SLC12A2: variants seen among roughly 807,000 people sequenced by gnomAD.
The protein encoded by SLC12A2 is solute carrier family 12 member 2.
A neutral mutation model predicts 136.3 loss-of-function variants in SLC12A2; 67 were observed. The ratio of observed to expected loss-of-function variants is 0.49; its 90% confidence interval spans 0.40 to 0.60. SLC12A2 has a LOEUF of 0.60. Ranked by LOEUF, SLC12A2 falls within the 20% of genes least tolerant of loss-of-function variation. The pLI, the probability that SLC12A2 is intolerant of heterozygous loss-of-function variation, is 0.00. For missense variants in SLC12A2, 1,322 were observed against 1,534.7 expected (o/e 0.86, Z 2.32); for synonymous variants, 619 against 562.9 (o/e 1.10, Z -1.41).
At chr5:128,168,009 G>T (rs1055713452) in intron 18 of SLC12A2, 142 bp downstream of exon 18, 49 of 512,256 alleles carry the variant, frequency 9.6e-5, no homozygotes, top group South Asian at 2.0e-4. Flanking sequence ...AAAGCATCTG[G>T]GTTTTAAATT....
intron 4 of SLC12A2, among the ~76,000 whole-genome samples, chr5:128,128,630 C>G (rs548295652): frequency 1.1e-4 from 17 of 152,028 alleles, no homozygotes; most frequent in Middle Eastern, 6.8e-3. Flanking sequence ...CTTACATGAC[C>G]TTAGCCAAAT....
In SLC12A2 at chr5:128,084,312, G is replaced by A. The variant is rs529205972; in HGVS notation, c.358G>A (p.Gly120Arg). 4.1e-5 allele frequency: 63 copies of A among 1,533,970 alleles called. No individual in the cohort carries two copies. In the Middle Eastern group the frequency reaches 5.4e-3, roughly 132 times the overall value. The change falls in exon 1 of 27, where the codon GGG becomes AGG. Residue 120 changes from glycine to arginine, a missense_variant. Coordinates refer to ENST00000262461, the MANE Select transcript of SLC12A2 (RefSeq NM_001046.3). The surrounding 1 kb of genome is among the most constrained non-coding windows in gnomAD (Gnocchi z 5.6). ...GAGAKQTPADGEASGESEPAK... is the reference protein window; with the variant it reads ...GAGAKQTPADREASGESEPAK... ...GGGGGCCAAGCAGACCCCCGCGGAC[G>A]GGGAAGCCAGCGGCGAGAGCGAGCC...
chr5:128,183,123 T>C (rs1158246050), intron 24 of SLC12A2, among the ~76,000 whole-genome samples, 182 bp downstream of exon 24: 1 of 152,082 alleles, frequency 6.6e-6, no homozygotes, highest in East Asian at 1.9e-4. Flanking sequence ...CTAAAGAGTT[T>C]TCAATATTCA....
chr5:128,148,425 C>A (rs184777651), intron 11 of SLC12A2, among the ~76,000 whole-genome samples: 1 of 151,714 alleles, frequency 6.6e-6, no homozygotes, highest in East Asian at 1.9e-4. Flanking sequence ...GCTTGTTTTT[C>A]TTAAAATAGG....
At chr5:128,171,583 A>T in intron 18 of SLC12A2, 84 bp from the exon 19 acceptor site, 1 of 800,140 alleles carries the variant, frequency 1.2e-6, no homozygotes. Flanking sequence ...TTTAGAGATC[A>T]TCTATTATTT....
rs1761380935 is a variant in SLC12A2, at chr5:128,117,174, C to T, written c.1048+2493C>T. On this transcript the variant is annotated intron_variant, in intron 4 of 26. Transcript: ENST00000262461. ...AGAAAAAATTGATTCCTTATCTGGG[C>T]AGGAAATGAGCTTAGACACCTTTTC... Among the ~76,000 whole-genome samples, 2 of 152,090 alleles carry T rather than the reference C, an allele frequency of 1.3e-5. 1 individual carries two copies. The highest frequency in any genetic ancestry group is 4.1e-4 in the South Asian group (2 of 4,828).
chr5:128,112,365 A>G (rs1348008812), intron 1 of SLC12A2, among the ~76,000 whole-genome samples: 3 of 152,204 alleles, frequency 2.0e-5, no homozygotes, highest in African/African-American at 7.2e-5. Context: ...GTCATGGACT[A>G]TAAAAAAAAC....
At chr5:128,123,439 C>A (rs1761664073) in intron 4 of SLC12A2, among the ~76,000 whole-genome samples, 1 of 152,100 alleles carries the variant, frequency 6.6e-6, no homozygotes, top group African/African-American at 2.4e-5. Context: ...TTTTCACTTT[C>A]TATTCCAACC....
At chr5:128,172,252 A>G (rs1763399736) in intron 19 of SLC12A2, among the ~76,000 whole-genome samples, 3 of 152,208 alleles carry the variant, frequency 2.0e-5, no homozygotes, top group Admixed American at 2.0e-4. Flanking sequence ...TGCAAAAAAT[A>G]GTAGAGAGGT....
chr5:128,152,096 A>G (rs553032170), intron 14 of SLC12A2, among the ~76,000 whole-genome samples: 1 of 152,302 alleles, frequency 6.6e-6, no homozygotes, highest in East Asian at 1.9e-4. Context: ...AAGAGATTAC[A>G]AGAGTAGTTT....
intron 11 of SLC12A2, 36 bp downstream of exon 11, chr5:128,147,765 A>T (rs1326812228): frequency 7.9e-7 from 1 of 1,259,730 alleles, no homozygotes; most frequent in South Asian, 1.2e-5. Context: ...TATTAAAGGG[A>T]GAGTTAAAGT....
At chr5:128,135,865 CAATTA>C (rs1762173979) in intron 7 of SLC12A2, 57 bp downstream of exon 7, 1 of 956,294 alleles carries the variant, frequency 1.0e-6, no homozygotes, top group Non-Finnish European at 1.7e-6. Context: ...ATTCTATCAT[CAATTA>C]AATTTTGTAC....
intron 15 of SLC12A2, 79 bp from the exon 16 acceptor site, chr5:128,157,974 T>G: frequency 8.4e-7 from 1 of 1,184,756 alleles, no homozygotes; most frequent in Non-Finnish European, 1.2e-6. Context: ...ACAGAAAGCT[T>G]CTTAGGGAAA....
chr5:128,171,171 C>G (rs1367507098), intron 18 of SLC12A2: 1 of 151,868 alleles, frequency 6.6e-6, no homozygotes, highest in Non-Finnish European at 1.5e-5. Context: ...AACCACTGTT[C>G]AAACCAGTTT....
intron 7 of SLC12A2, among the ~76,000 whole-genome samples, chr5:128,137,840 C>A (rs1372594361): frequency 6.6e-6 from 1 of 151,952 alleles, no homozygotes; most frequent in African/African-American, 2.4e-5. Context: ...GACTAGACAG[C>A]AGAGAAAGCT....
intron 4 of SLC12A2, among the ~76,000 whole-genome samples, chr5:128,130,186 C>A (rs1761963103): frequency 6.6e-6 from 1 of 151,952 alleles, no homozygotes; most frequent in South Asian, 2.1e-4. Context: ...CTGAAGTGGG[C>A]AGATCACTTG....
rs188977158 is a variant in SLC12A2, at chr5:128,091,188, C to G, written c.756+6478C>G. 2.0e-5 allele frequency among the ~76,000 whole-genome samples: 3 copies of G among 152,072 alleles called. No homozygotes were observed. The East Asian group carries it at 5.8e-4, about 29-fold the overall frequency. ...TCAGAGGTAGAATTGTTGGGATTTG[C>G]TGATGGTTTGGATGAGGGGATGTAT... is the stretch of plus-strand genomic sequence containing the variant. On this transcript the variant is annotated intron_variant, in intron 1 of 26. Coordinates refer to ENST00000262461, the MANE Select transcript of SLC12A2 (RefSeq NM_001046.3).
intron 1 of SLC12A2, chr5:128,109,672 T>A (rs1250027890): frequency 5.2e-6 from 5 of 962,432 alleles, no homozygotes; most frequent in Non-Finnish European, 8.5e-6. Flanking sequence ...GCTTCACATC[T>A]TCTCCAGGCG....
In SLC12A2 at chr5:128,174,538, C is replaced by T. The variant is rs1355054065; in HGVS notation, c.2804-3C>T. 1.9e-6 allele frequency: 3 copies of T among 1,594,786 alleles called. No homozygotes were observed. Among genetic ancestry groups the T allele is most frequent in the East Asian group, 2.3e-5 (1 of 44,276 alleles). ...ACTATTTTAAATAATTTTCTGTCTA[C>T]AGAAGAATTATTGTCATCACAAGAG... On this transcript the variant is annotated splice_polypyrimidine_tract_variant and splice_region_variant and intron_variant, in intron 19 of 26. Transcript: ENST00000262461.
Sources: allele counts gnomAD v4.1 joint callset (sites outside exome capture counted in the v4.1 genomes callset), GRCh38; gene constraint gnomAD v4.1.1; non-coding constraint Gnocchi (gnomAD v3.1); transcripts MANE v1.5; gene names NCBI Gene and HGNC (gene_info 2026-07-23, HGNC 2026-07-21).